Variants in COL12A1 observed in about 807,000 individuals in gnomAD.
The protein encoded by COL12A1 is collagen alpha-1(XII) chain.
A neutral mutation model predicts 349.7 loss-of-function variants in COL12A1; 114 were observed. The observed-to-expected ratio is 0.33, with a 90% confidence interval of 0.28 to 0.38. The LOEUF is 0.38. COL12A1 is among the 10% of genes least tolerant of loss of function. The probability of loss-of-function intolerance (pLI) is 1.00; values close to 1 mark genes in which losing one functional copy is unlikely to be tolerated. For synonymous variants in COL12A1, 1,369 were observed against 1,329.0 expected (o/e 1.03, Z -0.66); for missense variants, 3,284 against 3,756.9 (o/e 0.87, Z 3.29).
chr6:75,190,092 G>A (rs1028547931), intron 5 of COL12A1, among the ~76,000 whole-genome samples: 1 of 151,914 alleles, frequency 6.6e-6, no homozygotes, highest in African/African-American at 2.4e-5. Context: ...TCTATAATCT[G>A]CTCTCCGGGA....
intron 2 of COL12A1, among the ~76,000 whole-genome samples, chr6:75,201,175 G>C (rs1422595802): frequency 6.6e-6 from 1 of 152,014 alleles, no homozygotes; most frequent in Non-Finnish European, 1.5e-5. Flanking sequence ...TTTTCTTAAT[G>C]AGCAATAAAT....
Position 75,189,692 on chromosome 6 carries a change from C to T in COL12A1, c.518G>A (p.Gly173Glu). 3 of 1,613,318 alleles carry T rather than the reference C, an allele frequency of 1.9e-6. No individual in the cohort carries two copies. The highest frequency in any genetic ancestry group is 2.5e-6 in the Non-Finnish European group (3 of 1,179,462). Residue 173 changes from glycine (G) to glutamate (E), a missense_variant, in exon 6 of 66, where the codon GGG becomes GAG. Gly to Glu is a moderately conservative substitution (Grantham distance 98). Transcript: ENST00000322507. ...AACTCCAACTCTTGTCTTCTCTTCCCCAATGTCAAAAGCAGACACAAGAGC... is the reference window on the plus strand; with the variant it reads ...AACTCCAACTCTTGTCTTCTCTTCCTCAATGTCAAAAGCAGACACAAGAGC... ...IAALVSAFDI[G>E]EEKTRVGVVQ...
chr6:75,142,184 G>T, intron 26 of COL12A1, 23 bp from the exon 27 acceptor site: 2 of 1,613,562 alleles, frequency 1.2e-6, no homozygotes, highest in South Asian at 2.2e-5. Context: ...CAGAGCAGTG[G>T]AACTACTTTT....
At position 75,183,993 on chromosome 6, in the gene COL12A1, C is replaced by A. The variant is rs779469667; in HGVS notation, c.1149G>T (p.Gly383=). 6.2e-7 allele frequency: 1 copy of A among 1,614,154 alleles called. No homozygotes were observed. ...GAACACTGAGCGTGGTTGTCTGAGG[C>A]CCCACACTCAGAGCGTGCTGTCGGC... is the stretch of plus-strand genomic sequence containing the variant. ...AGSRQHALSV[G]PQTTTLSVRD... The change falls in exon 9 of 66, where the codon GGG becomes GGT. Residue 383 remains glycine (G), a synonymous_variant. Transcript: ENST00000322507.
chr6:75,095,608 A>C (rs1420705589), intron 59 of COL12A1, among the ~76,000 whole-genome samples: 1 of 140,930 alleles, frequency 7.1e-6, no homozygotes, highest in Non-Finnish European at 1.5e-5. Context: ...TGGGCGACAG[A>C]GCGAGACTCC....
rs770626561 is a variant in COL12A1 at position 75,138,366 on chromosome 6, A to G, written c.5231-26T>C. 5.6e-6 allele frequency: 9 copies of G among 1,610,324 alleles called. No individual in the cohort carries two copies. The East Asian group carries it at 1.1e-4, about 20-fold the overall frequency. Reference sequence around the variant, plus strand: ...CTAAAAGAAAACAGAATTTGGGAACACATTACTAATATAGCTGTAGCCCTA... The same window carrying G: ...CTAAAAGAAAACAGAATTTGGGAACGCATTACTAATATAGCTGTAGCCCTA... On this transcript the variant is annotated intron_variant, in intron 29 of 65. Transcript: ENST00000322507.
chr6:75,126,463 G>A lies in COL12A1; in HGVS notation c.6348C>T (p.Leu2116=). The part of the protein sequence containing the change: ...HLTGNGRTVG[L]LPPQNIHISD... The stretch of plus-strand genomic sequence containing the variant: ...AGATGTGTATGTTCTGAGGAGGAAG[G>A]AGTCCCACTGAAAACAAACATTGAC... The change falls in exon 39 of 66, where the codon CTC becomes CTT. Residue 2116 remains leucine (L), a synonymous_variant. Coordinates refer to ENST00000322507, the MANE Select transcript of COL12A1 (RefSeq NM_004370.6). 2.5e-6 allele frequency: 4 copies of A among 1,609,418 alleles called. No homozygotes were observed. Among genetic ancestry groups the A allele is most frequent in the Non-Finnish European group, 3.4e-6 (4 of 1,176,608 alleles).
intron 14 of COL12A1, among the ~76,000 whole-genome samples, chr6:75,160,391 C>T (rs1767975697): frequency 6.6e-6 from 1 of 152,180 alleles, no homozygotes; most frequent in African/African-American, 2.4e-5. Flanking sequence ...TAAAGACATT[C>T]CCAAAATGCC....
chr6:75,202,594 G>A, intron 2 of COL12A1, 126 bp downstream of exon 2: 2 of 926,588 alleles, frequency 2.2e-6, no homozygotes, highest in Non-Finnish European at 3.3e-6. Context: ...CTCTGAAGGA[G>A]AGAAACCACC....
At chr6:75,135,779 T>C (rs1253382965) in intron 31 of COL12A1, among the ~76,000 whole-genome samples, 1 of 152,132 alleles carries the variant, frequency 6.6e-6, no homozygotes, top group African/African-American at 2.4e-5. Context: ...CGTGGCTAAT[T>C]TTAATAAATT....
chr6:75,197,843 C>A (rs542224280), intron 2 of COL12A1, among the ~76,000 whole-genome samples: 1 of 151,978 alleles, frequency 6.6e-6, no homozygotes, highest in Non-Finnish European at 1.5e-5. Context: ...GTTATCAAAA[C>A]GCTATGCTAC....
chr6:75,134,907 T>A, intron 31 of COL12A1, 52 bp from the exon 32 acceptor site: 1 of 1,566,748 alleles, frequency 6.4e-7, no homozygotes, highest in Non-Finnish European at 8.7e-7. Context: ...TCCATCTCAC[T>A]AATCTGTTAG....
intron 2 of COL12A1, among the ~76,000 whole-genome samples, chr6:75,200,899 A>G (rs1770493395): frequency 6.6e-6 from 1 of 152,136 alleles, no homozygotes; most frequent in South Asian, 2.1e-4. Context: ...ATTATTAAAT[A>G]CTAACTTAAG....
chr6:75,087,483 T>C lies in COL12A1; in HGVS notation c.9181+94A>G, dbSNP rs1292572292. ...AAAGAGTTGTTATCTTCAAGACATCTTCAAATCAGCCTTCCTTCAATCCTA... is the reference window on the plus strand; with the variant it reads ...AAAGAGTTGTTATCTTCAAGACATCCTCAAATCAGCCTTCCTTCAATCCTA... On this transcript the variant is annotated intron_variant, in intron 65 of 65. Coordinates refer to ENST00000322507, the MANE Select transcript of COL12A1 (RefSeq NM_004370.6). 4 of 1,295,702 alleles carry C rather than the reference T, an allele frequency of 3.1e-6. No homozygotes were observed. The African/African-American group carries it at 5.9e-5, about 19-fold the overall frequency. 80.3% of individuals were successfully genotyped at this position (1,295,702 alleles called of 1,614,324 possible).
chr6:75,134,142 C>G, intron 32 of COL12A1, 145 bp from the exon 33 acceptor site: 4 of 855,148 alleles, frequency 4.7e-6, no homozygotes, highest in Non-Finnish European at 5.4e-6. Flanking sequence ...ACGACACACA[C>G]TGTGTCCGCG....
intron 14 of COL12A1, among the ~76,000 whole-genome samples, chr6:75,159,002 A>G (rs1256991939): frequency 1.3e-5 from 2 of 152,034 alleles, no homozygotes; most frequent in Non-Finnish European, 2.9e-5. Flanking sequence ...AAAACCATAA[A>G]CTCACAGATC....
In COL12A1 at chr6:75,134,717, T is replaced by G; in HGVS notation, c.5524+9A>C. On this transcript the variant is annotated intron_variant, in intron 32 of 65. Transcript: ENST00000322507. ...TTAAAGAAGCTATAGGAACTCAGGTTTCACTTACTGGTCTTGCCTCTTCCC... is the reference window on the plus strand; with the variant it reads ...TTAAAGAAGCTATAGGAACTCAGGTGTCACTTACTGGTCTTGCCTCTTCCC... The G allele has an allele frequency of 6.3e-7, 1 of 1,592,114 alleles. No individual in the cohort carries two copies. The highest frequency in any genetic ancestry group is 8.6e-7 in the Non-Finnish European group (1 of 1,165,898).
In COL12A1 at chr6:75,204,214, G is replaced by C. The variant is rs987912033; in HGVS notation, c.-35-1387C>G. On this transcript the variant is annotated intron_variant, in intron 1 of 65. Transcript: ENST00000322507. Reference sequence around the variant, plus strand: ...TAACCCTCTTCTACATCAGTGAAAAGCAAGAGGTGAGACTGGCCCATTGTT... The same window carrying C: ...TAACCCTCTTCTACATCAGTGAAAACCAAGAGGTGAGACTGGCCCATTGTT... Among the ~76,000 whole-genome samples, 7 of 152,288 alleles carry C rather than the reference G, an allele frequency of 4.6e-5. No individual in the cohort carries two copies. The South Asian group carries it at 1.5e-3, about 32-fold the overall frequency.
In COL12A1 at chr6:75,084,815, G is replaced by C. The variant is rs1250674028; in HGVS notation, c.*1732C>G. ...CGTGGTGTAATTGAATTGAAAATAA[G>C]TATAGCAAAAGATAAACTGCCCGCT... On this transcript the variant is annotated 3_prime_UTR_variant, in exon 66 of 66. Transcript: ENST00000322507. The C allele has an allele frequency of 1.3e-5, 2 of 157,184 alleles. No homozygotes were observed. Among genetic ancestry groups the C allele is most frequent in the Non-Finnish European group, 2.8e-5 (2 of 70,668 alleles). 9.7% of individuals were successfully genotyped at this position (157,184 alleles called of 1,614,324 possible).
Sources: allele counts gnomAD v4.1 joint callset (sites outside exome capture counted in the v4.1 genomes callset), GRCh38; gene constraint gnomAD v4.1.1; transcripts MANE v1.5; gene names NCBI Gene and HGNC (gene_info 2026-07-23, HGNC 2026-07-21).